MUSK: variants seen among roughly 807,000 people sequenced by gnomAD.
MUSK encodes the protein muscle, skeletal receptor tyrosine-protein kinase.
In MUSK, 55 loss-of-function variants were observed where a neutral mutation model predicts 88.7. The ratio of observed to expected loss-of-function variants is 0.62; its 90% confidence interval spans 0.50 to 0.78. The LOEUF (loss-of-function observed/expected upper bound fraction) is 0.78. Among genes scored for constraint, MUSK ranks in the 30% least tolerant of loss-of-function variants. The probability of loss-of-function intolerance (pLI) is 0.00; values close to 1 mark genes in which losing one functional copy is unlikely to be tolerated. For missense variants in MUSK, 1,015 were observed against 1,074.3 expected, an observed-to-expected ratio of 0.94 and a Z score of 0.77; for synonymous variants, 387 against 391.9, an observed-to-expected ratio of 0.99 and a Z score of 0.15.
chr9:110,690,291 TA>T (rs1410453764), intron 3 of MUSK, among the ~76,000 whole-genome samples: 1 of 98,610 alleles, frequency 1.0e-5, no homozygotes, highest in Admixed American at 1.5e-4. Flanking sequence ...TAAATATATA[TA>T]AATATATATT....
At chr9:110,680,383 C>CTTT (rs11461650) in intron 1 of MUSK, among the ~76,000 whole-genome samples, 19 of 141,594 alleles carry the variant, frequency 1.3e-4, no homozygotes, top group East Asian at 2.1e-4. Flanking sequence ...TTCTTTTTTT[C>CTTT]TTTTTTTTTT....
chr9:110,797,116 C>CAAAAAAA (rs770080330), intron 14 of MUSK, among the ~76,000 whole-genome samples: 1 of 19,706 alleles, frequency 5.1e-5, no homozygotes, highest in Non-Finnish European at 9.5e-5. Flanking sequence ...TAGAGTATAA[C>CAAAAAAA]AAAAAAATAA....
intron 14 of MUSK, among the ~76,000 whole-genome samples, chr9:110,788,714 C>A (rs527783): frequency 0.098 from 13,367 of 136,774 alleles, 812 homozygotes; most frequent in East Asian, 0.2. Context: ...AAAAAAAAAA[C>A]AAAAATATGG....
In MUSK at chr9:110,701,650, C is replaced by CTAT. The variant is rs1554739442; in HGVS notation, c.628+4186_628+4188dup. ...TACAGGTGTGCACTACTGTGCTCAG[C>CTAT]TATTTATTTTATTTATTTTATTTTA... On this transcript the variant is annotated intron_variant, in intron 5 of 14. Coordinates refer to ENST00000374448, the MANE Select transcript of MUSK (RefSeq NM_005592.4). Among the ~76,000 whole-genome samples, 78 of 13,508 alleles carry CTAT rather than the reference C, an allele frequency of 5.8e-3. 4 individuals carry two copies. Among genetic ancestry groups the CTAT allele is most frequent in the Non-Finnish European group, 7.2e-3 (53 of 7,344 alleles). The allele number at this position is 13,508 out of a possible 152,430, so 8.9% of individuals were successfully genotyped here. A position where few individuals can be genotyped will look rare whatever the true frequency, so the allele number is the denominator to read the frequency against.
intron 7 of MUSK, among the ~76,000 whole-genome samples, chr9:110,755,951 C>CATATATATATATAT (rs1564268679): frequency 1.5e-4 from 15 of 101,784 alleles, no homozygotes; most frequent in South Asian, 3.3e-4. Flanking sequence ...TATATATATA[C>CATATATATATATAT]ACATATATAT....
intron 2 of MUSK, 102 bp downstream of exon 2, chr9:110,682,902 C>T: frequency 1.3e-6 from 1 of 795,092 alleles, no homozygotes; most frequent in South Asian, 2.5e-5. Flanking sequence ...TTGATACAGG[C>T]ATGCAATGTA....
intron 3 of MUSK, among the ~76,000 whole-genome samples, chr9:110,690,137 T>TATAAATATATAAATATATATTTA (rs1338202417): frequency 2.9e-5 from 3 of 101,800 alleles, no homozygotes; most frequent in African/African-American, 1.2e-4. Flanking sequence ...AGTATAAATA[T>TATAAATATATAAATATATATTTA]AGAAATATAT....
chr9:110,803,311 G>A lies in MUSK; in HGVS notation c.*2323G>A, dbSNP rs935835343. Among the ~76,000 whole-genome samples the A allele has an allele frequency of 3.3e-5, 5 of 152,082 alleles. No homozygotes were observed. The highest frequency in any genetic ancestry group is 7.4e-5 in the Non-Finnish European group (5 of 68,014). On this transcript the variant is annotated 3_prime_UTR_variant, in exon 15 of 15. Transcript: ENST00000374448. ...ATTATATACATTTTAGTTTTGCTTTGTTTTGTTTTGTTTTTGAGACGGAGT... is the reference window on the plus strand; with the variant it reads ...ATTATATACATTTTAGTTTTGCTTTATTTTGTTTTGTTTTTGAGACGGAGT...
chr9:110,735,503 A>T (rs908993700), intron 6 of MUSK, among the ~76,000 whole-genome samples: 6 of 152,242 alleles, frequency 3.9e-5, no homozygotes, highest in Non-Finnish European at 7.4e-5. Flanking sequence ...AACTAAAAAA[A>T]TTGATCTCAT....
At chr9:110,700,330 T>A (rs773545283) in intron 5 of MUSK, among the ~76,000 whole-genome samples, 11 of 152,320 alleles carry the variant, frequency 7.2e-5, no homozygotes, top group East Asian at 1.9e-4. Flanking sequence ...TACACAAGGC[T>A]GCACAGATAG....
chr9:110,671,801 T>C (rs1313576660), intron 1 of MUSK, among the ~76,000 whole-genome samples: 4 of 152,230 alleles, frequency 2.6e-5, no homozygotes, highest in Admixed American at 1.3e-4. Flanking sequence ...AAATGTATGG[T>C]GCAATGTTAG....
Position 110,771,951 on chromosome 9 carries a change from T to G in MUSK, c.1185-3837T>G, listed in dbSNP as rs531184081. Among the ~76,000 whole-genome samples, 24 of 152,276 alleles carry G rather than the reference T, an allele frequency of 1.6e-4. No individual in the cohort carries two copies. The East Asian group carries it at 4.4e-3, about 28-fold the overall frequency. On this transcript the variant is annotated intron_variant, in intron 9 of 14. Coordinates refer to ENST00000374448, the MANE Select transcript of MUSK (RefSeq NM_005592.4). ...AACAAATGTGTATTATTTTCCATTT[T>G]GTTAACGAGTTGTTACTACTATATA...
intron 1 of MUSK, among the ~76,000 whole-genome samples, chr9:110,672,548 G>A (rs902637268): frequency 6.6e-6 from 1 of 152,110 alleles, no homozygotes; most frequent in African/African-American, 2.4e-5. Context: ...GGAGTTATAT[G>A]GCAGCGTACC....
intron 3 of MUSK, among the ~76,000 whole-genome samples, chr9:110,688,458 T>G (rs1049196414): frequency 6.6e-6 from 1 of 152,148 alleles, no homozygotes; most frequent in South Asian, 2.1e-4. Flanking sequence ...TTCATTTTAT[T>G]TTTTTAACTT....
chr9:110,745,518 G>A (rs2077164723), intron 6 of MUSK, among the ~76,000 whole-genome samples: 1 of 152,138 alleles, frequency 6.6e-6, no homozygotes, highest in Non-Finnish European at 1.5e-5. Flanking sequence ...GAGCATAGAG[G>A]CTTGGGGTCT....
chr9:110,742,690 T>C (rs1338228485), intron 6 of MUSK, among the ~76,000 whole-genome samples: 1 of 152,254 alleles, frequency 6.6e-6, no homozygotes, highest in African/African-American at 2.4e-5. Flanking sequence ...CCCAACTTAT[T>C]CATTCAACAT....
chr9:110,715,417 C>A (rs2076731948), intron 5 of MUSK, among the ~76,000 whole-genome samples: 1 of 149,024 alleles, frequency 6.7e-6, no homozygotes, highest in African/African-American at 2.6e-5. Context: ...AAGTGAGGAT[C>A]CAATTCTACC....
rs186559405 is a variant in MUSK, at chr9:110,781,324, T to G, written c.1385-3491T>G. Among the ~76,000 whole-genome samples the G allele has an allele frequency of 4.6e-3, 703 of 152,246 alleles. 18 individuals are homozygous for G. The highest frequency in any genetic ancestry group is 0.023 in the East Asian group (118 of 5,176). On this transcript the variant is annotated intron_variant, in intron 11 of 14. Transcript: ENST00000374448. ...CGGAGTCTCACTCTGTCGCCCAGGCTGGAGTGCAGTGGCACAATCTTGGTT... is the reference window on the plus strand; with the variant it reads ...CGGAGTCTCACTCTGTCGCCCAGGCGGGAGTGCAGTGGCACAATCTTGGTT...
At chr9:110,670,432 T>C (rs997861555) in intron 1 of MUSK, among the ~76,000 whole-genome samples, 5 of 152,194 alleles carry the variant, frequency 3.3e-5, no homozygotes, top group Admixed American at 1.3e-4. Context: ...TACAGTCTTA[T>C]AAAGAGCAGG....
Sources: gnomAD v4.1 joint callset for allele counts (sites outside exome capture counted in the v4.1 genomes callset) on GRCh38, gnomAD v4.1.1 for gene constraint, MANE v1.5 for transcripts, NCBI Gene and HGNC (gene_info 2026-07-23, HGNC 2026-07-21) for gene names.